ADAMTSL1: variants seen among roughly 807,000 people sequenced by gnomAD.
ADAMTSL1 encodes the protein ADAMTS-like protein 1.
Under a neutral mutation model 201.8 loss-of-function variants are expected in ADAMTSL1, and 126 were observed. The observed-to-expected ratio is 0.62, with a 90% CI of 0.54 to 0.72. The LOEUF (loss-of-function observed/expected upper bound fraction) is 0.72, where lower values mean the gene tolerates loss of function less well. ADAMTSL1 is among the 30% of genes least tolerant of loss of function. The pLI, the probability that ADAMTSL1 is intolerant of heterozygous loss-of-function variation, is 0.00. For missense variants in ADAMTSL1, 2,679 were observed against 2,277.8 expected, an observed-to-expected ratio of 1.18 and a Z score of -3.59; for synonymous variants, 1,121 against 903.4, an observed-to-expected ratio of 1.24 and a Z score of -4.32.
chr9:18,499,414 A>C (rs1276607744), intron 1 of ADAMTSL1, among the ~76,000 whole-genome samples: 2 of 152,238 alleles, frequency 1.3e-5, no homozygotes, highest in African/African-American at 4.8e-5. Flanking sequence ...CCAAGTTGTT[A>C]AAGAAGCCAA....
chr9:18,077,132 A>G (rs1436892429), intron 1 of ADAMTSL1, among the ~76,000 whole-genome samples: 1 of 152,110 alleles, frequency 6.6e-6, no homozygotes, highest in African/African-American at 2.4e-5. Context: ...GGACCAGTGG[A>G]ATTTCTCATG....
At chr9:18,533,549 T>A (rs1483060883) in intron 3 of ADAMTSL1, among the ~76,000 whole-genome samples, 1 of 152,194 alleles carries the variant, frequency 6.6e-6, no homozygotes, top group Non-Finnish European at 1.5e-5. Context: ...ACTTTCTGCC[T>A]TTTTGCATAT....
At position 18,044,963 on chromosome 9, in the gene ADAMTSL1, A is replaced by G. The variant is rs374226537; in HGVS notation, c.88-118899A>G. 3.8e-3 allele frequency among the ~76,000 whole-genome samples: 577 copies of G among 152,266 alleles called. 9 individuals carry two copies. The highest frequency in any genetic ancestry group is 0.036 in the South Asian group (174 of 4,820). ...CTCTGATGCACTTTTATTCCTAAAT[A>G]TGTTTCATTATTGATTTTAAATGTA... On this transcript the variant is annotated intron_variant, in intron 1 of 29. Transcript: ENST00000680146.
At chr9:18,075,416 T>C (rs1357315538) in intron 1 of ADAMTSL1, among the ~76,000 whole-genome samples, 1 of 152,148 alleles carries the variant, frequency 6.6e-6, no homozygotes, top group African/African-American at 2.4e-5. Flanking sequence ...GAGCCACAAG[T>C]ACGTTGGGAC....
At chr9:18,303,637 A>C (rs1833789464) in intron 2 of ADAMTSL1, among the ~76,000 whole-genome samples, 1 of 152,124 alleles carries the variant, frequency 6.6e-6, no homozygotes, top group Non-Finnish European at 1.5e-5. Flanking sequence ...GAAAGAAGAG[A>C]ATGACAAGAG....
At chr9:18,737,066 C>T (rs182554900) in intron 15 of ADAMTSL1, among the ~76,000 whole-genome samples, 31 of 152,254 alleles carry the variant, frequency 2.0e-4, no homozygotes, top group Admixed American at 1.2e-3. Flanking sequence ...CGCCTGTAAT[C>T]CCAACACTTT....
At chr9:17,952,917 C>CCCTCCTCCTCCTCCTCCTCCT (rs59567399) in intron 1 of ADAMTSL1, among the ~76,000 whole-genome samples, 78 of 146,032 alleles carry the variant, frequency 5.3e-4, no homozygotes, top group Non-Finnish European at 8.0e-4. Context: ...TTCCTCCTTT[C>CCCTCCTCCTCCTCCTCCTCCT]CCTCCTCCTC....
At chr9:17,956,641 G>A (rs1280220302) in intron 1 of ADAMTSL1, among the ~76,000 whole-genome samples, 1 of 152,108 alleles carries the variant, frequency 6.6e-6, no homozygotes, top group Non-Finnish European at 1.5e-5. Flanking sequence ...CTTCTGGAAA[G>A]CCTTCTCTGT....
chr9:18,167,168 T>G (rs1827671967), intron 2 of ADAMTSL1, among the ~76,000 whole-genome samples: 1 of 151,974 alleles, frequency 6.6e-6, no homozygotes, highest in South Asian at 2.1e-4. Flanking sequence ...AAGACACAGA[T>G]CATGTTGATT....
chr9:18,666,199 G>A (rs1461831573), intron 9 of ADAMTSL1, among the ~76,000 whole-genome samples: 3 of 152,134 alleles, frequency 2.0e-5, no homozygotes, highest in Non-Finnish European at 4.4e-5. Flanking sequence ...AGGCTTTGTT[G>A]CTCTCTGCTG....
At chr9:18,663,302 C>G (rs1012257081) in intron 9 of ADAMTSL1, among the ~76,000 whole-genome samples, 3 of 151,818 alleles carry the variant, frequency 2.0e-5, no homozygotes, top group Admixed American at 6.6e-5. Context: ...ATTAAAAGAA[C>G]AAAAAGAATA....
intron 7 of ADAMTSL1, among the ~76,000 whole-genome samples, chr9:18,645,278 C>G (rs981435257): frequency 6.6e-6 from 1 of 152,128 alleles, no homozygotes; most frequent in East Asian, 1.9e-4. Flanking sequence ...ATTGTAGATT[C>G]TGGATATTAG....
At chr9:18,372,277 T>A (rs954348951) in intron 2 of ADAMTSL1, among the ~76,000 whole-genome samples, 1 of 152,094 alleles carries the variant, frequency 6.6e-6, no homozygotes, top group Non-Finnish European at 1.5e-5. Flanking sequence ...AATGTCTTCA[T>A]TAGGGTTTGG....
intron 1 of ADAMTSL1, among the ~76,000 whole-genome samples, chr9:17,952,958 C>G (rs1173627341): frequency 6.6e-6 from 1 of 150,412 alleles, no homozygotes; most frequent in Non-Finnish European, 1.5e-5. Flanking sequence ...CCTCCTCCTT[C>G]TTCAGAATGT....
chr9:18,444,295 C>T (rs1419917468), intron 2 of ADAMTSL1, among the ~76,000 whole-genome samples: 1 of 152,154 alleles, frequency 6.6e-6, no homozygotes, highest in Non-Finnish European at 1.5e-5. Flanking sequence ...TTAATCCTCA[C>T]ATTGATCTTT....
chr9:18,191,925 C>T (rs1417563481), intron 2 of ADAMTSL1, among the ~76,000 whole-genome samples: 1 of 152,038 alleles, frequency 6.6e-6, no homozygotes, highest in Non-Finnish European at 1.5e-5. Context: ...CAATGAAAAC[C>T]TTATTGTTAC....
At chr9:18,533,978 T>C (rs1217669789) in intron 3 of ADAMTSL1, among the ~76,000 whole-genome samples, 2 of 152,166 alleles carry the variant, frequency 1.3e-5, no homozygotes, top group African/African-American at 4.8e-5. Flanking sequence ...GGAGAGGACA[T>C]AATGGGCAAG....
chr9:18,876,482 G>A (rs1005831283), intron 23 of ADAMTSL1, among the ~76,000 whole-genome samples: 5 of 152,048 alleles, frequency 3.3e-5, no homozygotes, highest in East Asian at 3.8e-4. Context: ...GTGTTTTTCT[G>A]AAAAAGACTA....
chr9:18,246,682 G>A (rs1473359500), intron 2 of ADAMTSL1, among the ~76,000 whole-genome samples: 2 of 152,196 alleles, frequency 1.3e-5, no homozygotes, highest in African/African-American at 2.4e-5. Flanking sequence ...TTTCATAGTT[G>A]CAAAGTGACA....
Sources: gnomAD v4.1 joint callset for allele counts (sites outside exome capture counted in the v4.1 genomes callset) on GRCh38, gnomAD v4.1.1 for gene constraint, MANE v1.5 for transcripts, NCBI Gene and HGNC (gene_info 2026-07-23, HGNC 2026-07-21) for gene names.